Variants in VPS37A observed in about 807,000 individuals in gnomAD.
VPS37A encodes VPS37A subunit of ESCRT-I.
A neutral mutation model predicts 49.8 loss-of-function variants in VPS37A; 30 were observed. That is an observed-to-expected ratio of 0.60 (90% confidence interval 0.45 to 0.82). The LOEUF is 0.82. Ranked by LOEUF, VPS37A falls within the 40% of genes least tolerant of loss-of-function variation. The probability of loss-of-function intolerance (pLI) is 0.00; values close to 1 mark genes in which losing one functional copy is unlikely to be tolerated. For synonymous variants in VPS37A, 195 were observed against 160.6 expected (o/e 1.21, Z -1.62); for missense variants, 593 against 464.4 (o/e 1.28, Z -2.55).
rs1424929364 is a variant in VPS37A, at chr8:17,247,157, C to T, written c.-88C>T. ...TGGGCCACGGACGTCCCACCCCGCTCCTCTGTCGCTGGAGAACCGCCGGGC... is the reference window on the plus strand; with the variant it reads ...TGGGCCACGGACGTCCCACCCCGCTTCTCTGTCGCTGGAGAACCGCCGGGC... On this transcript the variant is annotated 5_prime_UTR_variant, in exon 1 of 12. Coordinates refer to ENST00000324849, the MANE Select transcript of VPS37A (RefSeq NM_152415.3). The T allele has an allele frequency of 2.0e-6, 3 of 1,534,530 alleles. No individual in the cohort carries two copies. The highest frequency in any genetic ancestry group is 2.8e-5 in the African/African-American group (2 of 72,670).
At chr8:17,249,609 C>A (rs1422907298) in intron 1 of VPS37A, among the ~76,000 whole-genome samples, 1 of 152,130 alleles carries the variant, frequency 6.6e-6, no homozygotes, top group African/African-American at 2.4e-5. Context: ...ATGCCACTCA[C>A]CTATTCTTGT....
chr8:17,250,051 A>G (rs1267321411), intron 1 of VPS37A, among the ~76,000 whole-genome samples: 1 of 152,106 alleles, frequency 6.6e-6, no homozygotes, highest in African/African-American at 2.4e-5. Flanking sequence ...CCGGGCTCAT[A>G]TGGAGTGAGG....
rs139353293 is a variant in VPS37A at position 17,248,472 on chromosome 8, C to T, written c.125+1103C>T. On this transcript the variant is annotated intron_variant, in intron 1 of 11. Transcript: ENST00000324849. ...TGTATTTTTAGTAGAGACGGGGTTT[C>T]ACCACATTGGTCAGGCTGGTCTCGA... is the stretch of plus-strand genomic sequence containing the variant. 567 of 436,614 alleles carry T rather than the reference C, an allele frequency of 1.3e-3. 5 individuals are homozygous for T. Among genetic ancestry groups the T allele is most frequent in the African/African-American group, 0.011 (530 of 49,638 alleles). 27.0% of individuals were successfully genotyped at this position (436,614 alleles called of 1,614,324 possible).
chr8:17,332,851 A>G, the VPS37A span, among the ~76,000 whole-genome samples: 36 of 152,192 alleles, frequency 2.4e-4, no homozygotes, highest in Non-Finnish European at 3.8e-4. Context: ...CGTGTTTATC[A>G]AGCAGAATAA....
chr8:17,286,511 C>G (rs3793428), intron 11 of VPS37A, 84 bp downstream of exon 11: 1 of 1,154,048 alleles, frequency 8.7e-7, no homozygotes, highest in Non-Finnish European at 1.3e-6. Flanking sequence ...GCCTGTTCAT[C>G]AGCCTTAAGC....
chr8:17,271,321 A>C (rs1422067906), intron 4 of VPS37A, among the ~76,000 whole-genome samples: 1 of 152,074 alleles, frequency 6.6e-6, no homozygotes, highest in Admixed American at 6.6e-5. Flanking sequence ...CATGCTTATG[A>C]TTGGCTGGGC....
At chr8:17,284,171 C>T (rs752660337) in intron 9 of VPS37A, among the ~76,000 whole-genome samples, 13 of 152,178 alleles carry the variant, frequency 8.5e-5, no homozygotes, top group Non-Finnish European at 1.8e-4. Flanking sequence ...GGAGCGTCTC[C>T]TTAGCATATA....
At chr8:17,329,064 A>G in the VPS37A span, among the ~76,000 whole-genome samples, 1 of 152,252 alleles carries the variant, frequency 6.6e-6, no homozygotes, top group Non-Finnish European at 1.5e-5. Context: ...TCTGTTATTC[A>G]GAATCTATTC....
At chr8:17,333,086 C>T in the VPS37A span, among the ~76,000 whole-genome samples, 85 of 152,246 alleles carry the variant, frequency 5.6e-4, 1 homozygote, top group East Asian at 0.014. Context: ...GGCTGGCAGA[C>T]ACCTCACATT....
Position 17,284,584 on chromosome 8 carries a change from G to T in VPS37A, c.1081G>T (p.Asp361Tyr), listed in dbSNP as rs371630409. ...DFLEGKMEID[D>Y]FLSSFMEKRT... ...CTTGGAGGGAAAGATGGAAATAGATGATTTTCTCAGTAGCTTCATGGAAAA... is the reference window on the plus strand; with the variant it reads ...CTTGGAGGGAAAGATGGAAATAGATTATTTTCTCAGTAGCTTCATGGAAAA... Residue 361 changes from aspartate (D) to tyrosine (Y), a missense_variant, in exon 10 of 12, where the codon GAT becomes TAT. Physicochemically the swap from Asp to Tyr is radical, Grantham distance 160 (BLOSUM62 -3). Transcript: ENST00000324849. 1.9e-6 allele frequency: 3 copies of T among 1,599,220 alleles called. No homozygotes were observed. The highest frequency in any genetic ancestry group is 2.7e-5 in the African/African-American group (2 of 73,842).
At chr8:17,329,352 T>C in the VPS37A span, among the ~76,000 whole-genome samples, 2 of 152,186 alleles carry the variant, frequency 1.3e-5, no homozygotes, top group Admixed American at 6.5e-5. Context: ...CAGAAAGATA[T>C]CCTAGCCTAC....
chr8:17,312,040 C>G, the VPS37A span, among the ~76,000 whole-genome samples: 1 of 152,004 alleles, frequency 6.6e-6, no homozygotes, highest in African/African-American at 2.4e-5. Flanking sequence ...AAATTACAGA[C>G]CTATGAAGTT....
At chr8:17,248,015 G>T (rs375127280) in intron 1 of VPS37A, 35 of 515,082 alleles carry the variant, frequency 6.8e-5, no homozygotes, top group African/African-American at 6.3e-4. Context: ...TGATTGTTCT[G>T]TTGTCTTCCT....
At chr8:17,311,680 A>G in the VPS37A span, 1 of 1,612,618 alleles carries the variant, frequency 6.2e-7, no homozygotes, top group Non-Finnish European at 8.5e-7. Flanking sequence ...GAATGGCTGT[A>G]AAAAGGCAGA....
chr8:17,315,912 C>A, the VPS37A span, among the ~76,000 whole-genome samples: 1 of 152,094 alleles, frequency 6.6e-6, no homozygotes, highest in Admixed American at 6.6e-5. Context: ...ACTTGGGAGG[C>A]TGAGTTGAGA....
At chr8:17,332,122 C>T in the VPS37A span, among the ~76,000 whole-genome samples, 2 of 152,334 alleles carry the variant, frequency 1.3e-5, no homozygotes, top group East Asian at 3.9e-4. Context: ...CAGGTCATCA[C>T]ATCCTAGAAA....
chr8:17,324,590 A>G, the VPS37A span, among the ~76,000 whole-genome samples: 2 of 152,206 alleles, frequency 1.3e-5, no homozygotes, highest in African/African-American at 4.8e-5. Flanking sequence ...AACACCAGAG[A>G]GGCAAAAGCA....
chr8:17,248,716 G>T (rs577710142), intron 1 of VPS37A, among the ~76,000 whole-genome samples: 1 of 152,074 alleles, frequency 6.6e-6, no homozygotes, highest in Non-Finnish European at 1.5e-5. Flanking sequence ...AAATCAGTTT[G>T]GCTAAAATAA....
chr8:17,264,822 C>T (rs745637910), intron 1 of VPS37A, among the ~76,000 whole-genome samples: 6 of 152,110 alleles, frequency 3.9e-5, no homozygotes, highest in Non-Finnish European at 8.8e-5. Context: ...TAGCATTTTC[C>T]CCCTTGGAAA....
Sources: gnomAD v4.1 joint callset for allele counts (sites outside exome capture counted in the v4.1 genomes callset) on GRCh38, gnomAD v4.1.1 for gene constraint, MANE v1.5 for transcripts, NCBI Gene and HGNC (gene_info 2026-07-23, HGNC 2026-07-21) for gene names.